Variants in RFX3 observed in about 807,000 individuals in gnomAD.
RFX3 encodes the protein regulatory factor X3.
Under a neutral mutation model 98.6 loss-of-function variants are expected in RFX3, and 14 were observed. The ratio of observed to expected loss-of-function variants is 0.14; its 90% confidence interval spans 0.09 to 0.22. The LOEUF (loss-of-function observed/expected upper bound fraction) is 0.22, where lower values mean the gene tolerates loss of function less well. Among genes scored for constraint, RFX3 ranks in the 10% least tolerant of loss-of-function variants. RFX3 has a pLI of 1.00. For synonymous variants in RFX3, 383 were observed against 328.4 expected, an observed-to-expected ratio of 1.17 and a Z score of -1.80; for missense variants, 639 against 926.9, an observed-to-expected ratio of 0.69 and a Z score of 4.03.
intron 7 of RFX3, among the ~76,000 whole-genome samples, chr9:3,285,528 A>G (rs1826479267): frequency 6.6e-6 from 1 of 151,768 alleles, no homozygotes; most frequent in East Asian, 1.9e-4. Flanking sequence ...GTTAAGGCTT[A>G]TCAATGTTGT....
intron 1 of RFX3, among the ~76,000 whole-genome samples, chr9:3,479,485 T>C (rs540994898): frequency 4.6e-5 from 7 of 152,306 alleles, no homozygotes; most frequent in Admixed American, 1.3e-4. Flanking sequence ...AAAATCTGTA[T>C]TTCAGTACTT....
intron 2 of RFX3, among the ~76,000 whole-genome samples, chr9:3,357,578 C>A (rs147563816): frequency 3.6e-4 from 55 of 151,812 alleles, no homozygotes; most frequent in African/African-American, 1.3e-3. Flanking sequence ...CAAATTTCAC[C>A]GGAGGCTGGG....
intron 2 of RFX3, among the ~76,000 whole-genome samples, chr9:3,369,892 C>G (rs190300329): frequency 3.3e-5 from 5 of 152,018 alleles, no homozygotes; most frequent in Admixed American, 6.5e-5. Flanking sequence ...TGCGGTGGCG[C>G]CATCTCCGCT....
chr9:3,248,195 G>A lies in RFX3; in HGVS notation c.1815-10C>T. ...CCGAATAACCATTGAGCTGTTCCAA[G>A]AGAAAAGACAAATATGCAGCTAACA... On this transcript the variant is annotated splice_polypyrimidine_tract_variant and intron_variant, in intron 14 of 16. Coordinates refer to ENST00000617270, the MANE Select transcript of RFX3 (RefSeq NM_001282116.2). 1 of 1,585,574 alleles carries A rather than the reference G, an allele frequency of 6.3e-7. No individual in the cohort carries two copies. The highest frequency in any genetic ancestry group is 8.6e-7 in the Non-Finnish European group (1 of 1,164,678).
chr9:3,382,006 T>C (rs1452524714), intron 2 of RFX3, among the ~76,000 whole-genome samples: 1 of 152,180 alleles, frequency 6.6e-6, no homozygotes, highest in Non-Finnish European at 1.5e-5. Context: ...GGTTAATATA[T>C]AAATTTATTA....
At chr9:3,299,001 G>C (rs1828330242) in intron 5 of RFX3, among the ~76,000 whole-genome samples, 1 of 151,516 alleles carries the variant, frequency 6.6e-6, no homozygotes, top group African/African-American at 2.4e-5. Context: ...TGATCCTTTG[G>C]AGACAGTGAT....
At chr9:3,372,309 T>G (rs1837952736) in intron 2 of RFX3, among the ~76,000 whole-genome samples, 1 of 152,208 alleles carries the variant, frequency 6.6e-6, no homozygotes, top group Admixed American at 6.5e-5. Flanking sequence ...CCCAGATTTC[T>G]CCATTGTGAT....
chr9:3,271,451 CCCTT>C (rs904076515), intron 9 of RFX3, among the ~76,000 whole-genome samples: 40 of 144,540 alleles, frequency 2.8e-4, no homozygotes, highest in South Asian at 9.5e-4. Flanking sequence ...CTCCCTCCCT[CCCTT>C]CCTTCCTTCC....
intron 1 of RFX3, among the ~76,000 whole-genome samples, chr9:3,490,014 T>C (rs1290039287): frequency 1.3e-5 from 2 of 152,120 alleles, no homozygotes; most frequent in African/African-American, 4.8e-5. Flanking sequence ...CTAGGTTAAC[T>C]GAAGCATTTA....
chr9:3,378,028 A>T (rs1477349102), intron 2 of RFX3, among the ~76,000 whole-genome samples: 2 of 152,224 alleles, frequency 1.3e-5, no homozygotes, highest in African/African-American at 2.4e-5. Flanking sequence ...AAAACTAAAG[A>T]TCAAATATTT....
At chr9:3,273,653 CAGG>C (rs1824805690) in intron 9 of RFX3, among the ~76,000 whole-genome samples, 1 of 152,008 alleles carries the variant, frequency 6.6e-6, no homozygotes, top group African/African-American at 2.4e-5. Flanking sequence ...CACTTCAGGT[CAGG>C]AGTTCAAAAC....
chr9:3,516,059 T>G (rs1196718254), intron 1 of RFX3, among the ~76,000 whole-genome samples: 1 of 152,132 alleles, frequency 6.6e-6, no homozygotes, highest in Non-Finnish European at 1.5e-5. Context: ...AAAAAAATTT[T>G]TTTTTTTGAG....
At chr9:3,425,162 C>T (rs1843890598) in intron 1 of RFX3, among the ~76,000 whole-genome samples, 2 of 152,172 alleles carry the variant, frequency 1.3e-5, no homozygotes, top group Admixed American at 1.3e-4. Flanking sequence ...GCGTTAAGTC[C>T]AGGAGGCAGA....
chr9:3,310,952 T>C (rs1398137520), intron 4 of RFX3, among the ~76,000 whole-genome samples: 4 of 152,166 alleles, frequency 2.6e-5, no homozygotes, highest in African/African-American at 9.7e-5. Context: ...AATTTAAATA[T>C]GATCGATAAA....
intron 6 of RFX3, among the ~76,000 whole-genome samples, chr9:3,292,378 G>T (rs1464247211): frequency 1.3e-5 from 2 of 151,958 alleles, no homozygotes; most frequent in Non-Finnish European, 2.9e-5. Flanking sequence ...TCCAAAGGAA[G>T]AAAAACCAGA....
At chr9:3,319,533 C>T (rs544080868) in intron 4 of RFX3, among the ~76,000 whole-genome samples, 8 of 152,062 alleles carry the variant, frequency 5.3e-5, no homozygotes, top group Non-Finnish European at 8.8e-5. Context: ...CAATCCTGCC[C>T]AATCTTTAGG....
intron 2 of RFX3, among the ~76,000 whole-genome samples, chr9:3,358,463 A>G (rs1836026290): frequency 6.6e-6 from 1 of 152,138 alleles, no homozygotes; most frequent in Admixed American, 6.5e-5. Flanking sequence ...AAATCTGGAT[A>G]GATGCTGGCT....
In RFX3 at chr9:3,414,666, ATATATG is replaced by A. The variant is rs199919558; in HGVS notation, c.-8-19076_-8-19071del. Among the ~76,000 whole-genome samples, 857 of 113,166 alleles carry A rather than the reference ATATATG, an allele frequency of 7.6e-3. 23 individuals carry two copies. The highest frequency in any genetic ancestry group is 0.031 in the African/African-American group (622 of 20,058). The allele number at this position is 113,166 out of a possible 152,430, so 74.2% of individuals were successfully genotyped here. The stretch of plus-strand genomic sequence containing the variant: ...TGAGTATATATATGTATATATGAGT[ATATATG>A]TATATATGAGTATATATGTATATAT... On this transcript the variant is annotated intron_variant, in intron 1 of 16. Coordinates refer to ENST00000617270, the MANE Select transcript of RFX3 (RefSeq NM_001282116.2).
chr9:3,415,029 T>C (rs1474504540), intron 1 of RFX3, among the ~76,000 whole-genome samples: 1 of 133,480 alleles, frequency 7.5e-6, no homozygotes, highest in East Asian at 2.2e-4. Flanking sequence ...TACTTATATA[T>C]TTACTTTTAT....
Sources: allele counts gnomAD v4.1 joint callset (sites outside exome capture counted in the v4.1 genomes callset), GRCh38; gene constraint gnomAD v4.1.1; transcripts MANE v1.5; gene names NCBI Gene and HGNC (gene_info 2026-07-23, HGNC 2026-07-21).